Variants in PPP1R16A observed in about 807,000 individuals in gnomAD.
PPP1R16A encodes the protein protein phosphatase 1 regulatory subunit 16A.
Under a neutral mutation model 46.6 loss-of-function variants are expected in PPP1R16A, and 39 were observed. The ratio of observed to expected loss-of-function variants is 0.84; its 90% CI spans 0.65 to 1.09. The LOEUF (loss-of-function observed/expected upper bound fraction) is 1.09. PPP1R16A is among the 50% of genes least tolerant of loss of function. PPP1R16A has a pLI of 0.00. For synonymous variants in PPP1R16A, 413 were observed against 321.5 expected (o/e 1.28, Z -3.04); for missense variants, 798 against 735.6 (o/e 1.08, Z -0.98).
intron 2 of PPP1R16A, among the ~76,000 whole-genome samples, chr8:144,490,860 G>T (rs1361006025): frequency 6.6e-6 from 1 of 152,170 alleles, no homozygotes; most frequent in Non-Finnish European, 1.5e-5. Context: ...TTTGAGACCA[G>T]TCTGGGCAAC....
Position 144,500,138 on chromosome 8 carries a change from C to T in PPP1R16A, c.519C>T (p.Pro173=). ...CGGTCAACACCGACGGGAACATGCC[C>T]TATGACCTGTGTGATGATGAGCAGA... is the stretch of plus-strand genomic sequence containing the variant. ...LLAVNTDGNM[P]YDLCDDEQTL... is the part of the protein sequence containing the mutation. Residue 173 remains proline (P), a synonymous_variant, in exon 6 of 12, where the codon CCC becomes CCT. Coordinates refer to ENST00000435887, the MANE Select transcript of PPP1R16A (RefSeq NM_001329443.2). 1 of 1,612,442 alleles carries T rather than the reference C, an allele frequency of 6.2e-7. No individual in the cohort carries two copies. The highest frequency in any genetic ancestry group is 8.5e-7 in the Non-Finnish European group (1 of 1,179,392).
rs1205601187 is a variant in PPP1R16A at position 144,500,260 on chromosome 8, C to T, written c.581-7C>T. On this transcript the variant is annotated splice_polypyrimidine_tract_variant and splice_region_variant and intron_variant, in intron 6 of 11. Transcript: ENST00000435887. ...GTCGCGCTCCCTCTGAGCCTGCCGCCTCGCAGGCATCACCCAGGACAGCAT... is the reference window on the plus strand; with the variant it reads ...GTCGCGCTCCCTCTGAGCCTGCCGCTTCGCAGGCATCACCCAGGACAGCAT... The T allele has an allele frequency of 2.6e-6, 4 of 1,560,772 alleles. No homozygotes were observed. Among genetic ancestry groups the T allele is most frequent in the African/African-American group, 1.4e-5 (1 of 73,444 alleles).
chr8:144,488,485 CAG>C (rs1353397650), intron 1 of PPP1R16A, among the ~76,000 whole-genome samples: 5 of 151,944 alleles, frequency 3.3e-5, no homozygotes, highest in African/African-American at 7.3e-5. Flanking sequence ...GCGAGCCAGG[CAG>C]AGAGGAGGCG....
Position 144,502,010 on chromosome 8 carries a change from A to C in PPP1R16A, c.*107A>C. On this transcript the variant is annotated 3_prime_UTR_variant, in exon 12 of 12. Transcript: ENST00000435887. ...GTGCAGCACGGAAACCCCGGCTTCTACTGTACAGGACACTGGCCCCTCTCA... is the reference window on the plus strand; with the variant it reads ...GTGCAGCACGGAAACCCCGGCTTCTCCTGTACAGGACACTGGCCCCTCTCA... The C allele has an allele frequency of 8.8e-7, 1 of 1,133,532 alleles. No homozygotes were observed. Among genetic ancestry groups the C allele is most frequent in the African/African-American group, 1.6e-5 (1 of 63,730 alleles). 70.2% of individuals were successfully genotyped at this position (1,133,532 alleles called of 1,614,324 possible).
At chr8:144,485,527 A>G (rs1360073928) in intron 1 of PPP1R16A, among the ~76,000 whole-genome samples, 10 of 37,968 alleles carry the variant, frequency 2.6e-4, no homozygotes, top group South Asian at 6.3e-4. Flanking sequence ...CCATCTCGGG[A>G]AAAAAAAAAA....
Position 144,500,282 on chromosome 8 carries a change from G to A in PPP1R16A, c.596G>A (p.Ser199Asn), listed in dbSNP as rs1160080970. ...AMADRGITQD[S>N]IEAARAVPEL... ...CGCCTCGCAGGCATCACCCAGGACA[G>A]CATCGAGGCCGCCCGGGCCGTGCCA... The change falls in exon 7 of 12, where the codon AGC becomes AAC. Residue 199 changes from serine to asparagine, a missense_variant. Physicochemically the swap from Ser to Asn is conservative, Grantham distance 46. Coordinates refer to ENST00000435887, the MANE Select transcript of PPP1R16A (RefSeq NM_001329443.2). 6 of 1,552,058 alleles carry A rather than the reference G, an allele frequency of 3.9e-6. No individual in the cohort carries two copies. The East Asian group carries it at 1.2e-4, about 31-fold the overall frequency.
chr8:144,478,083 G>A lies in PPP1R16A; in HGVS notation c.-958G>A, dbSNP rs927399555. ...GGAGCGCGGGGCCCACTGACCCGCGGAAGCCAGCGGACCCACTTGTGCGGC... is the reference window on the plus strand; with the variant it reads ...GGAGCGCGGGGCCCACTGACCCGCGAAAGCCAGCGGACCCACTTGTGCGGC... On this transcript the variant is annotated 5_prime_UTR_variant, in exon 1 of 12. Coordinates refer to ENST00000435887, the MANE Select transcript of PPP1R16A (RefSeq NM_001329443.2). 1.3e-5 allele frequency: 5 copies of A among 395,832 alleles called. No individual in the cohort carries two copies. In the South Asian group the frequency reaches 6.4e-4, roughly 50 times the overall value. The allele number at this position is 395,832 out of a possible 1,614,324, so 24.5% of individuals were successfully genotyped here. A position where few individuals can be genotyped will look rare whatever the true frequency, so the allele number is the denominator to read the frequency against.
chr8:144,501,899 T>C lies in PPP1R16A; in HGVS notation c.1583T>C (p.Met528Thr), dbSNP rs759838284. 14 of 1,522,614 alleles carry C rather than the reference T, an allele frequency of 9.2e-6. No homozygotes were observed. Among genetic ancestry groups the C allele is most frequent in the South Asian group, 2.4e-5 (2 of 81,978 alleles). 94.3% of individuals were successfully genotyped at this position (1,522,614 alleles called of 1,614,324 possible). A position where few individuals can be genotyped will look rare whatever the true frequency, so the allele number is the denominator to read the frequency against. ...PVERRPCCLL[M>T] The stretch of plus-strand genomic sequence containing the variant: ...GAGAGGAGGCCGTGCTGCCTGCTCA[T>C]GTGAGGCTGTTGCTCAGCATGCAGG... Residue 528 changes from methionine to threonine, a missense_variant, in exon 12 of 12, where the codon ATG becomes ACG. Physicochemically the swap from Met to Thr is moderately conservative, Grantham distance 81 (BLOSUM62 -1). Coordinates refer to ENST00000435887, the MANE Select transcript of PPP1R16A (RefSeq NM_001329443.2).
intron 1 of PPP1R16A, among the ~76,000 whole-genome samples, chr8:144,479,865 T>A (rs376112124): frequency 6.6e-6 from 1 of 152,214 alleles, no homozygotes; most frequent in African/African-American, 2.4e-5. Flanking sequence ...TCAGACTTGC[T>A]CAGCCAGGAG....
chr8:144,486,404 C>T (rs749031017), intron 1 of PPP1R16A, among the ~76,000 whole-genome samples: 8 of 152,140 alleles, frequency 5.3e-5, no homozygotes, highest in African/African-American at 9.7e-5. Context: ...CCCGTGAGCG[C>T]AGCTGCTGGG....
intron 1 of PPP1R16A, among the ~76,000 whole-genome samples, chr8:144,483,834 G>A (rs985634452): frequency 1.8e-4 from 27 of 152,154 alleles, no homozygotes; most frequent in African/African-American, 5.3e-4. Flanking sequence ...CCATATGTTG[G>A]GATTATAGGC....
chr8:144,492,511 A>AT (rs941186257), intron 2 of PPP1R16A, among the ~76,000 whole-genome samples: 4 of 151,750 alleles, frequency 2.6e-5, no homozygotes, highest in Admixed American at 1.3e-4. Flanking sequence ...AATTTTTTGT[A>AT]TTTTTAGTAG....
At chr8:144,482,422 C>T (rs1316587451) in intron 1 of PPP1R16A, among the ~76,000 whole-genome samples, 1 of 152,076 alleles carries the variant, frequency 6.6e-6, no homozygotes, top group Non-Finnish European at 1.5e-5. Flanking sequence ...GAGTCTTGCT[C>T]TGTTGCTCAG....
chr8:144,499,243 C>G, intron 5 of PPP1R16A, 182 bp downstream of exon 5: 1 of 816,576 alleles, frequency 1.2e-6, no homozygotes, highest in Non-Finnish European at 1.8e-6. Flanking sequence ...TGGGCATGTG[C>G]CCAGGGCAGC....
chr8:144,489,723 A>G (rs1225985087), intron 1 of PPP1R16A, among the ~76,000 whole-genome samples: 1 of 152,134 alleles, frequency 6.6e-6, no homozygotes, highest in East Asian at 1.9e-4. Flanking sequence ...CAGTCCCCAG[A>G]TGTAGGCTGC....
intron 1 of PPP1R16A, among the ~76,000 whole-genome samples, chr8:144,485,039 A>G (rs1183385527): frequency 6.6e-6 from 1 of 151,948 alleles, no homozygotes; most frequent in Non-Finnish European, 1.5e-5. Flanking sequence ...CCGAGGCAGA[A>G]TGAAGAATCT....
Position 144,501,552 on chromosome 8 carries a change from T to C in PPP1R16A, c.1236T>C (p.Asn412=). 1.3e-6 allele frequency: 2 copies of C among 1,585,754 alleles called. No individual in the cohort carries two copies. The highest frequency in any genetic ancestry group is 1.1e-5 in the South Asian group (1 of 87,224). Residue 412 remains asparagine, a synonymous_variant, in exon 12 of 12, where the codon AAT becomes AAC. Coordinates refer to ENST00000435887, the MANE Select transcript of PPP1R16A (RefSeq NM_001329443.2). ...EDNPEVVRPH[N]GRVGGSPVRH... ...ACCCCGAAGTGGTCAGGCCGCACAATGGCCGAGTAGGGGGCTCCCCAGTGC... is the reference window on the plus strand; with the variant it reads ...ACCCCGAAGTGGTCAGGCCGCACAACGGCCGAGTAGGGGGCTCCCCAGTGC...
At chr8:144,498,239 C>G (rs1826194724) in intron 3 of PPP1R16A, 1 of 370,616 alleles carries the variant, frequency 2.7e-6, no homozygotes, top group Non-Finnish European at 5.5e-6. Flanking sequence ...CCTGCTGCAC[C>G]CCAGGCACCG....
intron 5 of PPP1R16A, chr8:144,499,710 C>T (rs1043692162): frequency 3.8e-5 from 9 of 234,450 alleles, no homozygotes; most frequent in East Asian, 1.1e-4. Context: ...TCCCCTTCAC[C>T]GCCCTTCTTC....
Sources: gnomAD v4.1 joint callset for allele counts (sites outside exome capture counted in the v4.1 genomes callset) on GRCh38, gnomAD v4.1.1 for gene constraint, MANE v1.5 for transcripts, NCBI Gene and HGNC (gene_info 2026-07-23, HGNC 2026-07-21) for gene names.